TSPAN12: variants seen among roughly 807,000 people sequenced by gnomAD.
TSPAN12 encodes the protein tetraspanin 12, also known as tetraspanin-12.
Under a neutral mutation model 39.2 loss-of-function variants are expected in TSPAN12, and 19 were observed. The observed-to-expected ratio is 0.49, with a 90% CI of 0.34 to 0.71. The LOEUF is 0.71. Ranked by LOEUF, TSPAN12 falls within the 30% of genes least tolerant of loss-of-function variation. The pLI is 0.01. For synonymous variants in TSPAN12, 119 were observed against 124.8 expected, an observed-to-expected ratio of 0.95 and a Z score of 0.31; for missense variants, 314 against 359.9, an observed-to-expected ratio of 0.87 and a Z score of 1.03.
At chr7:120,852,969 AC>A (rs1051858619) in intron 2 of TSPAN12, among the ~76,000 whole-genome samples, 17 of 152,220 alleles carry the variant, frequency 1.1e-4, no homozygotes, top group African/African-American at 4.1e-4. Flanking sequence ...GGCTGAAAAC[AC>A]CTTCTGACTT....
chr7:120,809,894 C>T (rs1188939378), intron 6 of TSPAN12, among the ~76,000 whole-genome samples: 1 of 152,024 alleles, frequency 6.6e-6, no homozygotes, highest in African/African-American at 2.4e-5. Context: ...TTCTTAACAA[C>T]CTGAAGAGAG....
At chr7:120,816,888 T>C (rs763331657) in intron 4 of TSPAN12, among the ~76,000 whole-genome samples, 4 of 152,088 alleles carry the variant, frequency 2.6e-5, no homozygotes, top group South Asian at 2.1e-4. Flanking sequence ...GCCTTGAAAA[T>C]AGGCAGAAAA....
intron 2 of TSPAN12, among the ~76,000 whole-genome samples, chr7:120,847,195 T>C (rs1481242188): frequency 7.2e-6 from 1 of 138,048 alleles, no homozygotes; most frequent in Non-Finnish European, 1.5e-5. Context: ...TGTAAAATGA[T>C]ATAAAAATAA....
At chr7:120,817,574 C>T (rs1584936037) in intron 4 of TSPAN12, among the ~76,000 whole-genome samples, 1 of 152,092 alleles carries the variant, frequency 6.6e-6, no homozygotes, top group East Asian at 1.9e-4. Flanking sequence ...AAAATTAACA[C>T]AAACAGCAGA....
intron 7 of TSPAN12, among the ~76,000 whole-genome samples, chr7:120,799,862 T>C (rs1238783094): frequency 5.0e-5 from 7 of 140,586 alleles, no homozygotes; most frequent in Non-Finnish European, 1.1e-4. Flanking sequence ...TAATAATTAA[T>C]ATGATATATT....
At chr7:120,792,977 T>C (rs1053685036) in intron 7 of TSPAN12, among the ~76,000 whole-genome samples, 2 of 152,348 alleles carry the variant, frequency 1.3e-5, no homozygotes, top group African/African-American at 4.8e-5. Flanking sequence ...GGAACAACAC[T>C]AATTTTTAAC....
chr7:120,806,033 T>C (rs1318127053), intron 7 of TSPAN12, among the ~76,000 whole-genome samples: 3 of 152,100 alleles, frequency 2.0e-5, no homozygotes, highest in Non-Finnish European at 4.4e-5. Context: ...TTACCGCCAC[T>C]GAGCATAAAA....
chr7:120,788,666 T>G lies in TSPAN12; in HGVS notation c.844A>C (p.Ser282Arg). 1 of 1,614,146 alleles carries G rather than the reference T, an allele frequency of 6.2e-7. No individual in the cohort carries two copies. The highest frequency in any genetic ancestry group is 1.7e-5 in the Admixed American group (1 of 60,020). The part of the protein sequence containing the change: ...SCPSVELLKP[S>R]LSRIFEHTSM... ...GTGTGTTCAAAGATTCTTGACAGGC[T>G]TGGTTTCAACAGTTCTACTGAGGGA... Residue 282 changes from serine to arginine, a missense_variant, in exon 8 of 8, where the codon AGC (serine) becomes CGC (arginine). By Grantham distance (110) the Ser-to-Arg change is moderately radical (BLOSUM62 -1). Transcript: ENST00000222747.
chr7:120,857,668 C>G (rs1293021343), intron 1 of TSPAN12, among the ~76,000 whole-genome samples, 152 bp downstream of exon 1: 1 of 152,060 alleles, frequency 6.6e-6, no homozygotes, highest in Non-Finnish European at 1.5e-5. Context: ...GCCATCGCGT[C>G]CGCGCGCCCC....
chr7:120,788,747 G>C lies in TSPAN12; in HGVS notation c.763C>G (p.Pro255Ala), dbSNP rs779629957. 7.4e-6 allele frequency: 12 copies of C among 1,613,968 alleles called. No homozygotes were observed. In the African/African-American group the frequency reaches 1.1e-4, roughly 14 times the overall value. The change falls in exon 8 of 8, where the codon CCG becomes GCG. Residue 255 changes from proline (P) to alanine (A), a missense_variant. Coordinates refer to ENST00000222747, the MANE Select transcript of TSPAN12 (RefSeq NM_012338.4). The part of the protein sequence containing the change: ...LWALYYDRRE[P>A]GTDQMMSLKN... ...AAGGACATCATTTGGTCTGTCCCCG[G>C]CTCCCTTCTATCATAATACAGAGCC...
At chr7:120,826,276 G>C (rs1794284485) in intron 4 of TSPAN12, among the ~76,000 whole-genome samples, 1 of 152,120 alleles carries the variant, frequency 6.6e-6, no homozygotes, top group Admixed American at 6.5e-5. Context: ...GTTATGCCAG[G>C]ATGTGCCAGT....
Position 120,820,731 on chromosome 7 carries a change from G to C in TSPAN12, c.286-4928C>G, listed in dbSNP as rs137860118. On this transcript the variant is annotated intron_variant, in intron 4 of 7. Coordinates refer to ENST00000222747, the MANE Select transcript of TSPAN12 (RefSeq NM_012338.4). ...TTATTTTATCCCCAGTGCCCAAGCA[G>C]CACCTGTCACACAGCAGGTATTGGG... Among the ~76,000 whole-genome samples, 1,317 of 152,226 alleles carry C rather than the reference G, an allele frequency of 8.7e-3. 67 individuals are homozygous for C. Among genetic ancestry groups the C allele is most frequent in the Admixed American group, 0.076 (1,165 of 15,254 alleles).
At chr7:120,857,511 G>C (rs994609996) in intron 1 of TSPAN12, among the ~76,000 whole-genome samples, 1 of 149,326 alleles carries the variant, frequency 6.7e-6, no homozygotes, top group Non-Finnish European at 1.5e-5. Context: ...TGGGCGGGGG[G>C]CGGGGGGCGC....
chr7:120,791,222 G>A (rs751552580), intron 7 of TSPAN12, among the ~76,000 whole-genome samples: 5 of 152,018 alleles, frequency 3.3e-5, no homozygotes, highest in East Asian at 1.9e-4. Flanking sequence ...CCAGCTACTC[G>A]GGAGGCTGAG....
At chr7:120,819,863 T>C (rs1463989559) in intron 4 of TSPAN12, among the ~76,000 whole-genome samples, 1 of 152,162 alleles carries the variant, frequency 6.6e-6, no homozygotes, top group Non-Finnish European at 1.5e-5. Context: ...AGCTGCTATT[T>C]AGTTTAAGAG....
chr7:120,820,190 G>A (rs140600878), intron 4 of TSPAN12, among the ~76,000 whole-genome samples: 17 of 152,206 alleles, frequency 1.1e-4, no homozygotes, highest in African/African-American at 4.1e-4. Context: ...CTGGAATGAT[G>A]AAAAGTGCTC....
At chr7:120,812,172 T>A (rs1793995489) in intron 5 of TSPAN12, among the ~76,000 whole-genome samples, 1 of 152,196 alleles carries the variant, frequency 6.6e-6, no homozygotes. Context: ...ATGACAGAGC[T>A]TTAGGTATAC....
At chr7:120,839,089 C>A (rs935687988) in intron 3 of TSPAN12, among the ~76,000 whole-genome samples, 177 bp from the exon 4 acceptor site, 1 of 152,024 alleles carries the variant, frequency 6.6e-6, no homozygotes, top group African/African-American at 2.4e-5. Flanking sequence ...TTTATTTGCT[C>A]GGTTGCTTTA....
upstream of TSPAN12, chr7:120,858,205 C>T (rs924276768): frequency 6.6e-6 from 1 of 152,258 alleles, no homozygotes; most frequent in African/African-American, 2.4e-5. Flanking sequence ...CCCTCTCACC[C>T]AGCGAGAGTC....
Sources: gnomAD v4.1 joint callset for allele counts (sites outside exome capture counted in the v4.1 genomes callset) on GRCh38, gnomAD v4.1.1 for gene constraint, MANE v1.5 for transcripts, NCBI Gene and HGNC (gene_info 2026-07-23, HGNC 2026-07-21) for gene names.